Variants in SLC35D2 observed in about 807,000 individuals in gnomAD.
The protein encoded by SLC35D2 is solute carrier family 35 member D2.
In SLC35D2, 43 loss-of-function variants were observed where a neutral mutation model predicts 41.8. The ratio of observed to expected loss-of-function variants is 1.03; its 90% CI spans 0.81 to 1.33. SLC35D2 has a LOEUF of 1.33. SLC35D2 is among the 40% of genes most tolerant of loss of function. The pLI is 0.00. For synonymous variants in SLC35D2, 150 were observed against 163.9 expected (o/e 0.92, Z 0.65); for missense variants, 380 against 408.4 (o/e 0.93, Z 0.60).
At position 96,322,745 on chromosome 9, in the gene SLC35D2, G is replaced by A. The variant is rs1436027056; in HGVS notation, c.832-665C>T. Among the ~76,000 whole-genome samples the A allele has an allele frequency of 1.5e-5, 2 of 130,358 alleles. 1 individual carries two copies. The highest frequency in any genetic ancestry group is 5.9e-5 in the African/African-American group (2 of 33,766). The allele number at this position is 130,358 out of a possible 152,430, so 85.5% of individuals were successfully genotyped here. A position where few individuals can be genotyped will look rare whatever the true frequency, so the allele number is the denominator to read the frequency against. On this transcript the variant is annotated intron_variant, in intron 10 of 11. Coordinates refer to ENST00000253270, the MANE Select transcript of SLC35D2 (RefSeq NM_007001.3). ...TTTTTTTTTTTTTTTTTGAGACAGA[G>A]TCTCACTCTGTTGCCCAGGCTGGAG...
At chr9:96,323,949 G>T in intron 10 of SLC35D2, 142 bp downstream of exon 10, 1 of 626,276 alleles carries the variant, frequency 1.6e-6, no homozygotes, top group Non-Finnish European at 2.8e-6. Context: ...AGTAAGATGG[G>T]ATCACACAGG....
At chr9:96,334,404 G>A (rs903850543) in intron 9 of SLC35D2, among the ~76,000 whole-genome samples, 2 of 152,148 alleles carry the variant, frequency 1.3e-5, no homozygotes, top group East Asian at 1.9e-4. Context: ...TTGGGAGGCC[G>A]AGGCAGGTGG....
intron 8 of SLC35D2, among the ~76,000 whole-genome samples, chr9:96,341,279 G>A (rs1292417862): frequency 1.3e-5 from 2 of 151,962 alleles, no homozygotes; most frequent in Admixed American, 6.6e-5. Context: ...AGAGTGAGAC[G>A]CTGTCTCAAA....
downstream of SLC35D2, among the ~76,000 whole-genome samples, chr9:96,316,925 T>A (rs183522261): frequency 2.6e-5 from 4 of 152,098 alleles, no homozygotes; most frequent in African/African-American, 4.8e-5. Context: ...GATCATGAGG[T>A]CAGGAGATCG....
chr9:96,322,475 T>G (rs931998801), intron 10 of SLC35D2, among the ~76,000 whole-genome samples: 1 of 152,008 alleles, frequency 6.6e-6, no homozygotes, highest in African/African-American at 2.4e-5. Flanking sequence ...GTGAGCTACA[T>G]GCCACTGTAC....
chr9:96,318,494 C>G (rs79723739), downstream of SLC35D2, among the ~76,000 whole-genome samples: 3,009 of 151,668 alleles, frequency 0.02, 112 homozygotes, highest in African/African-American at 0.069. Context: ...AATATAAAAG[C>G]GTATTGAAAC....
At chr9:96,361,536 T>C (rs1003527400) in intron 3 of SLC35D2, among the ~76,000 whole-genome samples, 20 of 152,006 alleles carry the variant, frequency 1.3e-4, no homozygotes, top group Non-Finnish European at 2.6e-4. Flanking sequence ...ATTTTTTAAA[T>C]TAGCAAGGCA....
intron 1 of SLC35D2, among the ~76,000 whole-genome samples, chr9:96,378,417 G>C (rs1831046930): frequency 6.6e-6 from 1 of 151,978 alleles, no homozygotes; most frequent in Non-Finnish European, 1.5e-5. Flanking sequence ...GACAGAGTAA[G>C]ACCCTGTCTC....
intron 10 of SLC35D2, 83 bp from the exon 11 acceptor site, chr9:96,322,163 ATTTTAGT>A (rs1188320562): frequency 1.1e-6 from 1 of 874,816 alleles, no homozygotes; most frequent in East Asian, 2.4e-5. Flanking sequence ...GAAACTAGAC[ATTTTAGT>A]TACTTTGCAT....
chr9:96,383,581 C>T lies in SLC35D2; in HGVS notation c.54G>A (p.Ala18=), dbSNP rs1351243505. 1 of 1,459,290 alleles carries T rather than the reference C, an allele frequency of 6.9e-7. No homozygotes were observed. Among genetic ancestry groups the T allele is most frequent in the Admixed American group, 2.4e-5 (1 of 41,094 alleles). 90.4% of individuals were successfully genotyped at this position (1,459,290 alleles called of 1,614,324 possible). Residue 18 remains alanine (A), a synonymous_variant, in exon 1 of 12, where the codon GCG becomes GCA. Transcript: ENST00000253270. ...GGGCCACCCGCGAGGGCAGCCGCGC[C>T]GCGCCGGGCTCCCCGCCAGCGCCCT... ...EAEGAGGEPG[A]ARLPSRVARL...
At chr9:96,365,033 ACT>A (rs1458026413) in intron 2 of SLC35D2, among the ~76,000 whole-genome samples, 3 of 135,240 alleles carry the variant, frequency 2.2e-5, no homozygotes, top group Non-Finnish European at 4.7e-5. Context: ...GTGAGACACC[ACT>A]GTCTCAAAAA....
chr9:96,367,219 CA>C (rs1171888357), intron 2 of SLC35D2, among the ~76,000 whole-genome samples: 22,182 of 71,198 alleles, frequency 0.31, 1,934 homozygotes, highest in African/African-American at 0.46. Context: ...GACTCAGTCA[CA>C]AAAAAAAAAA....
At chr9:96,350,347 CTTTTTTTTTTTTTTTT>C (rs57531044) in intron 6 of SLC35D2, among the ~76,000 whole-genome samples, 1 of 90,992 alleles carries the variant, frequency 1.1e-5, no homozygotes, top group Non-Finnish European at 2.1e-5. Flanking sequence ...ATTTTCTTTC[CTTTTTTTTTTTTTTTT>C]TTTTTTTTTT....
chr9:96,329,141 C>A (rs1340943711), intron 9 of SLC35D2, among the ~76,000 whole-genome samples: 1 of 150,806 alleles, frequency 6.6e-6, no homozygotes, highest in Non-Finnish European at 1.5e-5. Flanking sequence ...AGAAATTCTA[C>A]AAGATTGAAT....
chr9:96,337,041 G>C (rs1049433071), intron 8 of SLC35D2, among the ~76,000 whole-genome samples: 1 of 152,186 alleles, frequency 6.6e-6, no homozygotes, highest in African/African-American at 2.4e-5. Flanking sequence ...AGGACTGAAA[G>C]AAATTGTTTA....
intron 9 of SLC35D2, among the ~76,000 whole-genome samples, chr9:96,335,028 C>T (rs10820386): frequency 6.6e-6 from 1 of 152,084 alleles, no homozygotes; most frequent in South Asian, 2.1e-4. Context: ...CATGTGAGTA[C>T]ATCATTGCAA....
At chr9:96,337,408 G>A (rs1336279690) in intron 8 of SLC35D2, among the ~76,000 whole-genome samples, 2 of 151,510 alleles carry the variant, frequency 1.3e-5, no homozygotes, top group Non-Finnish European at 2.9e-5. Context: ...AGTAGAGACA[G>A]GGTCTCACCA....
chr9:96,316,444 C>T (rs1382995432), downstream of SLC35D2, among the ~76,000 whole-genome samples: 1 of 151,264 alleles, frequency 6.6e-6, no homozygotes, highest in Non-Finnish European at 1.5e-5. Context: ...GAGATCATGC[C>T]ACTGCACTCC....
chr9:96,368,201 A>G, intron 2 of SLC35D2, 71 bp downstream of exon 2: 1 of 1,289,534 alleles, frequency 7.8e-7, no homozygotes, highest in Non-Finnish European at 1.1e-6. Flanking sequence ...AGCTTTAAAC[A>G]AAAGGACTTA....
Sources: allele counts gnomAD v4.1 joint callset (sites outside exome capture counted in the v4.1 genomes callset), GRCh38; gene constraint gnomAD v4.1.1; transcripts MANE v1.5; gene names NCBI Gene and HGNC (gene_info 2026-07-23, HGNC 2026-07-21).